PRKN: variants seen among roughly 807,000 people sequenced by gnomAD.
PRKN encodes E3 ubiquitin-protein ligase parkin.
Under a neutral mutation model 59.5 loss-of-function variants are expected in PRKN, and 56 were observed. The ratio of observed to expected loss-of-function variants is 0.94; its 90% confidence interval spans 0.76 to 1.18. The LOEUF is 1.18. PRKN is among the 50% of genes most tolerant of loss of function. The pLI, the probability that PRKN is intolerant of heterozygous loss-of-function variation, is 0.00. For synonymous variants in PRKN, 250 were observed against 222.1 expected (o/e 1.13, Z -1.12); for missense variants, 657 against 596.4 (o/e 1.10, Z -1.06).
rs1294976887 is a variant in PRKN, at chr6:161,774,381, AGCACACACACACAC to A, written c.871+11377_871+11390del. 2.7e-4 allele frequency among the ~76,000 whole-genome samples: 24 copies of A among 89,164 alleles called. No individual in the cohort carries two copies. The South Asian group carries it at 7.8e-3, about 29-fold the overall frequency. The allele number at this position is 89,164 out of a possible 152,430, so 58.5% of individuals were successfully genotyped here. On this transcript the variant is annotated intron_variant, in intron 7 of 11. Coordinates refer to ENST00000366898, the MANE Select transcript of PRKN (RefSeq NM_004562.3). ...CCTCCCCCATCCTTTCTACTCCCTG[AGCACACACACACAC>A]ACACACACACACACACACACACACA...
intron 4 of PRKN, among the ~76,000 whole-genome samples, chr6:162,114,989 T>G (rs890822315): frequency 2.0e-4 from 31 of 151,638 alleles, no homozygotes; most frequent in African/African-American, 7.5e-4. Context: ...GGCATCCCAT[T>G]ACTGGGTATA....
At chr6:161,751,402 T>A (rs1788687464) in intron 7 of PRKN, among the ~76,000 whole-genome samples, 1 of 152,226 alleles carries the variant, frequency 6.6e-6, no homozygotes, top group South Asian at 2.1e-4. Context: ...AGCCTTCCCA[T>A]TCTTGAAATT....
At chr6:162,524,959 C>CA (rs1778221831) in intron 1 of PRKN, among the ~76,000 whole-genome samples, 2 of 152,144 alleles carry the variant, frequency 1.3e-5, no homozygotes, top group Admixed American at 1.3e-4. Context: ...ACTGATTCTT[C>CA]AAAATGGAGG....
At chr6:162,646,179 T>A (rs186069846) in intron 1 of PRKN, among the ~76,000 whole-genome samples, 44 of 151,854 alleles carry the variant, frequency 2.9e-4, no homozygotes, top group Non-Finnish European at 5.2e-4. Context: ...GCCTAAACTT[T>A]CTAAAGCAGA....
chr6:161,962,528 G>A (rs1351423906), intron 6 of PRKN, among the ~76,000 whole-genome samples: 1 of 150,760 alleles, frequency 6.6e-6, no homozygotes, highest in Non-Finnish European at 1.5e-5. Flanking sequence ...AGATGCTTCA[G>A]GAATGTAGCA....
At chr6:162,657,565 C>T (rs561078176) in intron 1 of PRKN, among the ~76,000 whole-genome samples, 1 of 152,278 alleles carries the variant, frequency 6.6e-6, no homozygotes, top group South Asian at 2.1e-4. Context: ...CATAATGTTT[C>T]ATCTGCTAAA....
rs1160196248 is a variant in PRKN, at chr6:161,828,951, T to A, written c.735-43043A>T. Among the ~76,000 whole-genome samples, 5 of 147,964 alleles carry A rather than the reference T, an allele frequency of 3.4e-5. No individual in the cohort carries two copies. In the East Asian group the frequency reaches 1.0e-3, roughly 30 times the overall value. ...TCTCAAAAAAAAAAAAAAGAGCCGG[T>A]TGCGACGGCTCACACCTGTAATCCC... On this transcript the variant is annotated intron_variant, in intron 6 of 11. Transcript: ENST00000366898.
At chr6:161,748,823 G>A (rs150140779) in intron 7 of PRKN, among the ~76,000 whole-genome samples, 196 of 152,292 alleles carry the variant, frequency 1.3e-3, no homozygotes, top group Non-Finnish European at 2.2e-3. Context: ...AGAATTGAAA[G>A]TCTCCTTTCA....
chr6:162,018,193 ATTT>A (rs1025067408), intron 5 of PRKN, among the ~76,000 whole-genome samples: 12 of 152,152 alleles, frequency 7.9e-5, no homozygotes, highest in Admixed American at 7.2e-4. Context: ...TGCCCGGCTA[ATTT>A]TTTGTGTTTT....
At chr6:162,058,676 G>A (rs1777966987) in intron 4 of PRKN, among the ~76,000 whole-genome samples, 1 of 152,164 alleles carries the variant, frequency 6.6e-6, no homozygotes, top group African/African-American at 2.4e-5. Context: ...TAATAGGCCG[G>A]GCATGGTGGC....
At chr6:162,540,879 G>T (rs1218746896) in intron 1 of PRKN, among the ~76,000 whole-genome samples, 3 of 151,868 alleles carry the variant, frequency 2.0e-5, no homozygotes, top group African/African-American at 7.2e-5. Flanking sequence ...CCAAGTATCT[G>T]TCACGTGTCA....
At chr6:162,455,618 A>G (rs1222610629) in intron 1 of PRKN, among the ~76,000 whole-genome samples, 2 of 152,276 alleles carry the variant, frequency 1.3e-5, no homozygotes, top group East Asian at 3.9e-4. Context: ...TGCTTGACAG[A>G]TATAAGATGG....
At chr6:162,522,266 G>A (rs1583718896) in intron 1 of PRKN, among the ~76,000 whole-genome samples, 1 of 152,304 alleles carries the variant, frequency 6.6e-6, no homozygotes, top group African/African-American at 2.4e-5. Flanking sequence ...TGGGACTACA[G>A]GCTCAGACAA....
chr6:162,298,007 T>G (rs151210637), intron 2 of PRKN, among the ~76,000 whole-genome samples: 230 of 152,296 alleles, frequency 1.5e-3, no homozygotes, highest in Non-Finnish European at 2.6e-3. Context: ...TTCTCCATTT[T>G]CACACAACTA....
chr6:161,801,599 G>C (rs1791081464), intron 6 of PRKN, among the ~76,000 whole-genome samples: 1 of 152,190 alleles, frequency 6.6e-6, no homozygotes, highest in Non-Finnish European at 1.5e-5. Context: ...CAACAACCTA[G>C]AGTCCACGAC....
intron 2 of PRKN, among the ~76,000 whole-genome samples, chr6:162,334,654 C>A (rs1395494590): frequency 1.3e-5 from 2 of 152,114 alleles, no homozygotes; most frequent in Non-Finnish European, 2.9e-5. Flanking sequence ...GATTAAGGAG[C>A]AATTTTAACT....
At chr6:161,433,174 G>C (rs2872894) in intron 9 of PRKN, among the ~76,000 whole-genome samples, 80,052 of 152,034 alleles carry the variant, frequency 0.53, 22,016 homozygotes, top group East Asian at 0.89. Flanking sequence ...CCATTGCAAT[G>C]TACCTATTTA....
At chr6:162,024,996 TG>T in intron 5 of PRKN, among the ~76,000 whole-genome samples, 1 of 151,846 alleles carries the variant, frequency 6.6e-6, no homozygotes, top group Non-Finnish European at 1.5e-5. Flanking sequence ...TTCTATGTTG[TG>T]TTCATGTCCA....
chr6:161,925,124 AT>A (rs1778919160), intron 6 of PRKN, among the ~76,000 whole-genome samples: 3 of 152,146 alleles, frequency 2.0e-5, no homozygotes. Context: ...ATGAATGAAA[AT>A]TTTCCCAAAT....
Sources: allele counts gnomAD v4.1 joint callset (sites outside exome capture counted in the v4.1 genomes callset), GRCh38; gene constraint gnomAD v4.1.1; transcripts MANE v1.5; gene names NCBI Gene and HGNC (gene_info 2026-07-23, HGNC 2026-07-21).